Variants in EXTL3 observed in about 807,000 individuals in gnomAD.
EXTL3 encodes exostosin-like 3.
A neutral mutation model predicts 69.3 loss-of-function variants in EXTL3; 27 were observed. That is an observed-to-expected ratio of 0.39 (90% CI 0.29 to 0.54). The LOEUF (loss-of-function observed/expected upper bound fraction) is 0.54, where lower values mean the gene tolerates loss of function less well. Among genes scored for constraint, EXTL3 ranks in the 20% least tolerant of loss-of-function variants. The probability of loss-of-function intolerance (pLI) is 0.69; values close to 1 mark genes in which losing one functional copy is unlikely to be tolerated. For synonymous variants in EXTL3, 511 were observed against 499.4 expected (o/e 1.02, Z -0.31); for missense variants, 1,003 against 1,231.8 (o/e 0.81, Z 2.78).
In EXTL3 at chr8:28,747,672, C is replaced by CAT. The variant is rs200274396; in HGVS notation, c.2551-2975_2551-2974dup. Among the ~76,000 whole-genome samples, 1,176 of 150,784 alleles carry CAT rather than the reference C, an allele frequency of 7.8e-3. 5 individuals are homozygous for CAT. The highest frequency in any genetic ancestry group is 0.021 in the Middle Eastern group (6 of 282). On this transcript the variant is annotated intron_variant, in intron 6 of 6. Transcript: ENST00000220562. Reference sequence around the variant, plus strand: ...GTGGTGACTTATTTATTTATACATACATATATATATACACATATGTGTGTA... The same window carrying CAT: ...GTGGTGACTTATTTATTTATACATACATATATATATATACACATATGTGTGTA...
Position 28,716,316 on chromosome 8 carries a change from G to A in EXTL3, c.257G>A (p.Arg86Gln), listed in dbSNP as rs1801145750. 6.2e-7 allele frequency: 1 copy of A among 1,614,064 alleles called. No homozygotes were observed. Among genetic ancestry groups the A allele is most frequent in the Non-Finnish European group, 8.5e-7 (1 of 1,180,048 alleles). ...VKHVLDLCRI[R>Q]ESVSEELLQL... ...CACGTGCTGGATCTGTGCCGCATCC[G>A]GGAGTCGGTGAGTGAAGAGCTCCTG... The change falls in exon 3 of 7, where the codon CGG (arginine) becomes CAG (glutamine). Residue 86 changes from arginine (R) to glutamine (Q), a missense_variant. By Grantham distance (43) the Arg-to-Gln change is conservative. Transcript: ENST00000220562. This position sits in a 1 kb window ranked among gnomAD's most constrained non-coding sequence, Gnocchi z 7.1.
intron 4 of EXTL3, among the ~76,000 whole-genome samples, chr8:28,735,716 A>C (rs1328664369): frequency 6.6e-6 from 1 of 152,222 alleles, no homozygotes; most frequent in Non-Finnish European, 1.5e-5. Flanking sequence ...GGGTAAGTCT[A>C]AGAATTCTTT....
chr8:28,737,729 T>C lies in EXTL3; in HGVS notation c.2421+66T>C, dbSNP rs1585292325. On this transcript the variant is annotated intron_variant, in intron 5 of 6. Transcript: ENST00000220562. ...GTTTCACCTTTGTGTGGTAGCGGAA[T>C]GCTGCCCTCAGCTTAGCTCTCCTAA... is the stretch of plus-strand genomic sequence containing the variant. 3.3e-6 allele frequency: 5 copies of C among 1,521,280 alleles called. No homozygotes were observed. In the East Asian group the frequency reaches 6.7e-5, roughly 21 times the overall value. The allele number at this position is 1,521,280 out of a possible 1,614,324, so 94.2% of individuals were successfully genotyped here.
Position 28,751,889 on chromosome 8 carries a change from C to T in EXTL3, c.*1023C>T, listed in dbSNP as rs1802014754. 6.6e-6 allele frequency: 1 copy of T among 152,298 alleles called. No individual in the cohort carries two copies. Among genetic ancestry groups the T allele is most frequent in the Non-Finnish European group, 1.5e-5 (1 of 68,106 alleles). 9.4% of individuals were successfully genotyped at this position (152,298 alleles called of 1,614,324 possible). On this transcript the variant is annotated 3_prime_UTR_variant, in exon 7 of 7. Transcript: ENST00000220562. ...TGGTCTGAAGTGGTTTGCAGGTCAG[C>T]CTCCTCTCCCTAGTGTAGAGCAAGC...
chr8:28,644,657 A>G (rs1457732417), intron 1 of EXTL3, among the ~76,000 whole-genome samples: 1 of 152,214 alleles, frequency 6.6e-6, no homozygotes, highest in Non-Finnish European at 1.5e-5. Context: ...TATGATGGAC[A>G]GAGCAAGACC....
intron 1 of EXTL3, among the ~76,000 whole-genome samples, chr8:28,664,729 A>G (rs1807167265): frequency 6.6e-6 from 1 of 151,960 alleles, no homozygotes; most frequent in South Asian, 2.1e-4. Context: ...TGGCAGTTTA[A>G]TTCCCTTTCC....
At chr8:28,649,543 C>A (rs1806885256) in intron 1 of EXTL3, among the ~76,000 whole-genome samples, 1 of 152,040 alleles carries the variant, frequency 6.6e-6, no homozygotes, top group Non-Finnish European at 1.5e-5. Context: ...TGTTCATATT[C>A]TTTGCTTTTT....
intron 1 of EXTL3, among the ~76,000 whole-genome samples, chr8:28,664,486 G>A (rs2130628855): frequency 6.6e-6 from 1 of 152,240 alleles, no homozygotes; most frequent in South Asian, 2.1e-4. Flanking sequence ...TCCGGCCTCT[G>A]GGGTCTTTTT....
chr8:28,712,397 C>T (rs1295046166), intron 1 of EXTL3, among the ~76,000 whole-genome samples: 2 of 151,970 alleles, frequency 1.3e-5, no homozygotes, highest in Non-Finnish European at 2.9e-5. Context: ...TCACGATGGT[C>T]CTGGTTGCTG....
chr8:28,714,179 T>A (rs2130730937), intron 2 of EXTL3, among the ~76,000 whole-genome samples: 1 of 152,298 alleles, frequency 6.6e-6, no homozygotes, highest in African/African-American at 2.4e-5. Context: ...GTGCTGGGAT[T>A]ACAGGTGTGA....
intron 1 of EXTL3, among the ~76,000 whole-genome samples, chr8:28,695,941 A>G (rs377103565): frequency 6.6e-6 from 1 of 152,024 alleles, no homozygotes; most frequent in Non-Finnish European, 1.5e-5. Flanking sequence ...TTTTTAAGAC[A>G]TGGTCTCGCT....
intron 1 of EXTL3, among the ~76,000 whole-genome samples, chr8:28,662,575 G>C (rs1463059621): frequency 6.6e-6 from 1 of 152,150 alleles, no homozygotes; most frequent in African/African-American, 2.4e-5. Flanking sequence ...CTCACTGCTA[G>C]AATCAATTCT....
At chr8:28,690,133 T>C (rs1800589506) in intron 1 of EXTL3, among the ~76,000 whole-genome samples, 1 of 152,238 alleles carries the variant, frequency 6.6e-6, no homozygotes, top group Admixed American at 6.5e-5. Flanking sequence ...AACTTGATGG[T>C]TGAAAGTACA....
At chr8:28,722,773 C>CT (rs1451276331) in intron 3 of EXTL3, among the ~76,000 whole-genome samples, 80 of 105,114 alleles carry the variant, frequency 7.6e-4, no homozygotes, top group African/African-American at 2.5e-3. Flanking sequence ...GACCCTGTCT[C>CT]TAAAAAAAAA....
chr8:28,644,358 T>G (rs1449659010), intron 1 of EXTL3, among the ~76,000 whole-genome samples: 1 of 152,182 alleles, frequency 6.6e-6, no homozygotes, highest in African/African-American at 2.4e-5. Flanking sequence ...TCTGGGTGTA[T>G]GCTTGGACAT....
chr8:28,664,094 T>G lies in EXTL3; in HGVS notation c.-53+41284T>G, dbSNP rs1807156960. On this transcript the variant is annotated intron_variant, in intron 1 of 6. Transcript: ENST00000523149. ...TGGTGAAGACACAGTTGACAGGCAGTGGGTTACAGAATGAGCAGAGAGAAA... is the reference window on the plus strand; with the variant it reads ...TGGTGAAGACACAGTTGACAGGCAGGGGGTTACAGAATGAGCAGAGAGAAA... Among the ~76,000 whole-genome samples the G allele has an allele frequency of 1.3e-5, 2 of 152,190 alleles. 1 individual carries two copies. Among genetic ancestry groups the G allele is most frequent in the South Asian group, 4.1e-4 (2 of 4,836 alleles).
At chr8:28,722,468 A>AT (rs906364254) in intron 3 of EXTL3, among the ~76,000 whole-genome samples, 2 of 151,878 alleles carry the variant, frequency 1.3e-5, no homozygotes, top group Non-Finnish European at 2.9e-5. Flanking sequence ...AGAATGCACC[A>AT]TTTTTTTTCC....
At chr8:28,702,599 C>T (rs1484802460) in intron 1 of EXTL3, among the ~76,000 whole-genome samples, 1 of 145,796 alleles carries the variant, frequency 6.9e-6, no homozygotes, top group South Asian at 2.2e-4. Flanking sequence ...TTCCCCGCAA[C>T]CTGGATTTTT....
chr8:28,694,387 T>C (rs554744251), intron 1 of EXTL3, among the ~76,000 whole-genome samples: 20 of 152,380 alleles, frequency 1.3e-4, no homozygotes, highest in African/African-American at 4.8e-4. Flanking sequence ...GCCGATCTTT[T>C]GTATCATTTC....
Sources: allele counts gnomAD v4.1 joint callset (sites outside exome capture counted in the v4.1 genomes callset), GRCh38; gene constraint gnomAD v4.1.1; non-coding constraint Gnocchi (gnomAD v3.1); transcripts MANE v1.5; gene names NCBI Gene and HGNC (gene_info 2026-07-23, HGNC 2026-07-21).